Variants in TRAM2 observed in about 807,000 individuals in gnomAD.
TRAM2 encodes the protein translocating chain-associated membrane protein 2.
In TRAM2, 12 loss-of-function variants were observed where a neutral mutation model predicts 51.0. That is an observed-to-expected ratio of 0.24 (90% CI 0.15 to 0.38). TRAM2 has a LOEUF of 0.38. Ranked by LOEUF, TRAM2 falls within the 10% of genes least tolerant of loss-of-function variation. The pLI is 1.00. For missense variants in TRAM2, 361 were observed against 462.0 expected (o/e 0.78, Z 2.00); for synonymous variants, 175 against 179.4 (o/e 0.98, Z 0.20).
chr6:52,515,840 T>TA (rs1766538020), intron 4 of TRAM2, 166 bp downstream of exon 4: 3 of 654,148 alleles, frequency 4.6e-6, no homozygotes, highest in African/African-American at 3.6e-5. Flanking sequence ...GATGCAAACA[T>TA]AGCTTCAGTT....
intron 2 of TRAM2, among the ~76,000 whole-genome samples, chr6:52,531,370 T>C (rs776854662): frequency 6.6e-6 from 1 of 152,250 alleles, no homozygotes; most frequent in Non-Finnish European, 1.5e-5. Context: ...TTGCTTGTCT[T>C]ATTTCCAACA....
chr6:52,532,772 TC>T (rs1322300041), intron 2 of TRAM2, among the ~76,000 whole-genome samples: 1 of 152,166 alleles, frequency 6.6e-6, no homozygotes, highest in Admixed American at 6.5e-5. Flanking sequence ...GGAATGATAA[TC>T]GAGGACACAC....
rs200022811 is a variant in TRAM2 at position 52,505,764 on chromosome 6, G to C, written c.732-22C>G. ...GAACCTGCTCACAGAGGCAGAAGAG[G>C]GATGTCAGTCTTTAGCGCCCTTGAA... On this transcript the variant is annotated intron_variant, in intron 8 of 10. Coordinates refer to ENST00000182527, the MANE Select transcript of TRAM2 (RefSeq NM_012288.4). 3.6e-5 allele frequency: 57 copies of C among 1,587,436 alleles called. No homozygotes were observed. The East Asian group carries it at 1.3e-3, about 36-fold the overall frequency.
At chr6:52,508,161 G>A in intron 6 of TRAM2, 73 bp downstream of exon 6, 2 of 1,386,878 alleles carry the variant, frequency 1.4e-6, no homozygotes, top group East Asian at 2.3e-5. Context: ...AAGGAAGGGA[G>A]GTACCCCTGG....
intron 1 of TRAM2, 117 bp downstream of exon 1, chr6:52,576,679 G>T (rs1767771995): frequency 7.3e-7 from 1 of 1,376,372 alleles, no homozygotes; most frequent in Non-Finnish European, 9.8e-7. Flanking sequence ...TGCAGATAAC[G>T]TACACGGCAG....
At position 52,506,103 on chromosome 6, in the gene TRAM2, C is replaced by T. The variant is rs1478381790; in HGVS notation, c.660G>A (p.Leu220=). 1 of 1,614,102 alleles carries T rather than the reference C, an allele frequency of 6.2e-7. No homozygotes were observed. The highest frequency in any genetic ancestry group is 8.5e-7 in the Non-Finnish European group (1 of 1,180,040). The change falls in exon 8 of 11, where the codon CTG becomes CTA. Residue 220 remains leucine (L), a synonymous_variant. Transcript: ENST00000182527. The part of the protein sequence containing the change: ...LSRLGLILLL[L]QYSTEFLFHT... ...GGAAGAGGAACTCAGTTGAGTACTG[C>T]AGCAGCAGCAAGATCAGGCCCAGGC...
intron 1 of TRAM2, among the ~76,000 whole-genome samples, chr6:52,570,810 C>A (rs1185814083): frequency 1.4e-5 from 2 of 141,612 alleles, no homozygotes; most frequent in East Asian, 2.4e-4. Flanking sequence ...CCCCCCCACA[C>A]GCACACACAC....
At chr6:52,535,751 G>C in intron 2 of TRAM2, 32 bp downstream of exon 2, 1 of 1,589,516 alleles carries the variant, frequency 6.3e-7, no homozygotes, top group Non-Finnish European at 8.6e-7. Context: ...GGTTAACAGG[G>C]CCAGGAGAAG....
At chr6:52,522,097 C>A (rs928565315) in intron 2 of TRAM2, among the ~76,000 whole-genome samples, 5 of 152,260 alleles carry the variant, frequency 3.3e-5, no homozygotes, top group Admixed American at 6.5e-5. Context: ...CACTGCTTTT[C>A]TTTAAACATA....
At chr6:52,571,866 G>A (rs13190913) in intron 1 of TRAM2, among the ~76,000 whole-genome samples, 34,308 of 152,210 alleles carry the variant, frequency 0.23, 4,241 homozygotes, top group Non-Finnish European at 0.29. Flanking sequence ...ATAGTCATCC[G>A]TGTACTTGTT....
intron 1 of TRAM2, among the ~76,000 whole-genome samples, chr6:52,551,441 T>C (rs753614140): frequency 1.3e-5 from 2 of 152,216 alleles, no homozygotes. Flanking sequence ...AAAGGGATTC[T>C]TTCTAACGTT....
Position 52,504,241 on chromosome 6 carries a change from G to A in TRAM2, c.1039+350C>T, listed in dbSNP as rs568941674. On this transcript the variant is annotated intron_variant, in intron 10 of 10. Coordinates refer to ENST00000182527, the MANE Select transcript of TRAM2 (RefSeq NM_012288.4). ...CAGGTGAGGACAGAGGCCGCCGTCC[G>A]GCACTGAGAATGGGCGGCGGCGGCA... Among the ~76,000 whole-genome samples, 8 of 152,340 alleles carry A rather than the reference G, an allele frequency of 5.3e-5. No homozygotes were observed. In the East Asian group the frequency reaches 5.8e-4, roughly 11 times the overall value.
rs1766264344 is a variant in TRAM2, at chr6:52,502,981, GA to G, written c.*215del. 28 of 600,520 alleles carry G rather than the reference GA, an allele frequency of 4.7e-5. 1 individual carries two copies. In the South Asian group the frequency reaches 5.4e-4, roughly 12 times the overall value. 37.2% of individuals were successfully genotyped at this position (600,520 alleles called of 1,614,324 possible). ...GGAGGTGGCCTGAGGGGGAGAAAGA[GA>G]AAGATTTTTGGCTTTATTGAGAATG... On this transcript the variant is annotated 3_prime_UTR_variant, in exon 11 of 11. Coordinates refer to ENST00000182527, the MANE Select transcript of TRAM2 (RefSeq NM_012288.4).
At chr6:52,538,435 G>A (rs1767012900) in intron 1 of TRAM2, among the ~76,000 whole-genome samples, 1 of 152,160 alleles carries the variant, frequency 6.6e-6, no homozygotes, top group Non-Finnish European at 1.5e-5. Flanking sequence ...CCTCTCCTCA[G>A]GGCAGGAGCT....
rs1205452767 is a variant in TRAM2 at position 52,577,007 on chromosome 6, G to C, written c.-92C>G. The C allele has an allele frequency of 9.2e-6, 12 of 1,307,158 alleles. No homozygotes were observed. The East Asian group carries it at 2.0e-4, about 21-fold the overall frequency. 81.0% of individuals were successfully genotyped at this position (1,307,158 alleles called of 1,614,324 possible). On this transcript the variant is annotated 5_prime_UTR_variant, in exon 1 of 11. Transcript: ENST00000182527. ...CCAGCACCGGCCCGGTCCGCCCGCC[G>C]GCCCGCCGCCCGCTCTCCCACAGCC...
At chr6:52,505,513 G>C (rs1766330987) in intron 9 of TRAM2, 86 bp downstream of exon 9, 1 of 1,492,474 alleles carries the variant, frequency 6.7e-7, no homozygotes, top group Admixed American at 2.2e-5. Flanking sequence ...AGACTAAAGG[G>C]TCTGCTGCCT....
intron 4 of TRAM2, 30 bp from the exon 5 acceptor site, chr6:52,509,616 G>T: frequency 1.9e-6 from 3 of 1,612,640 alleles, no homozygotes; most frequent in South Asian, 2.2e-5. Context: ...AGACCATTTA[G>T]AGATGTGGAC....
intron 2 of TRAM2, among the ~76,000 whole-genome samples, chr6:52,519,643 G>A (rs904998006): frequency 2.6e-5 from 4 of 152,280 alleles, no homozygotes; most frequent in African/African-American, 9.6e-5. Flanking sequence ...CCACTTCTGA[G>A]TGTTGGGGTA....
intron 4 of TRAM2, among the ~76,000 whole-genome samples, chr6:52,514,672 T>TCCA: frequency 6.6e-6 from 1 of 152,140 alleles, no homozygotes; most frequent in Non-Finnish European, 1.5e-5. Flanking sequence ...GGGTGGAATG[T>TCCA]TTGGGGGTGA....
Sources: gnomAD v4.1 joint callset for allele counts (sites outside exome capture counted in the v4.1 genomes callset) on GRCh38, gnomAD v4.1.1 for gene constraint, MANE v1.5 for transcripts, NCBI Gene and HGNC (gene_info 2026-07-23, HGNC 2026-07-21) for gene names.